ARID1B: variants seen among roughly 807,000 people sequenced by gnomAD.
The protein encoded by ARID1B is AT-rich interactive domain-containing protein 1B.
A neutral mutation model predicts 212.3 loss-of-function variants in ARID1B; 30 were observed. The ratio of observed to expected loss-of-function variants is 0.14; its 90% CI spans 0.11 to 0.19. The LOEUF (loss-of-function observed/expected upper bound fraction) is 0.19, where lower values mean the gene tolerates loss of function less well. Ranked by LOEUF, ARID1B falls within the 10% of genes least tolerant of loss-of-function variation. ARID1B has a pLI of 1.00. For missense variants in ARID1B, 2,891 were observed against 3,204.0 expected, an observed-to-expected ratio of 0.90 and a Z score of 2.36; for synonymous variants, 1,402 against 1,301.7, an observed-to-expected ratio of 1.08 and a Z score of -1.66.
At chr6:156,954,032 G>T (rs905841605) in intron 4 of ARID1B, among the ~76,000 whole-genome samples, 5 of 151,936 alleles carry the variant, frequency 3.3e-5, no homozygotes, top group African/African-American at 1.2e-4. Flanking sequence ...ATTAACACAG[G>T]CTTTCCTGTT....
intron 5 of ARID1B, among the ~76,000 whole-genome samples, chr6:157,104,199 C>G (rs186874921): frequency 1.3e-5 from 2 of 152,266 alleles, no homozygotes; most frequent in East Asian, 3.9e-4. Flanking sequence ...CTCTCTGTAA[C>G]AAAACTCAAC....
chr6:157,174,165 G>C (rs748620770), intron 10 of ARID1B, 48 bp downstream of exon 10: 2 of 1,552,284 alleles, frequency 1.3e-6, no homozygotes, highest in African/African-American at 1.4e-5. Context: ...CTAGCAAAAA[G>C]CTGCCATGTC....
At chr6:157,153,204 AT>A (rs994708954) in intron 8 of ARID1B, among the ~76,000 whole-genome samples, 2 of 152,014 alleles carry the variant, frequency 1.3e-5, no homozygotes, top group East Asian at 1.9e-4. Context: ...ACATAGATTA[AT>A]TTTTTTTCTT....
At chr6:157,150,993 G>A (rs1009730347) in intron 8 of ARID1B, 1 of 166,476 alleles carries the variant, frequency 6.0e-6, no homozygotes, top group South Asian at 2.0e-4. Flanking sequence ...CTCCAAGGGG[G>A]TTGTCCTTCT....
intron 2 of ARID1B, among the ~76,000 whole-genome samples, chr6:156,846,071 A>G (rs1230730977): frequency 2.6e-5 from 4 of 152,056 alleles, no homozygotes; most frequent in African/African-American, 9.7e-5. Context: ...TTCTTTTTGA[A>G]GGGCTCCTCT....
At chr6:156,897,416 G>C (rs1788569458) in intron 2 of ARID1B, among the ~76,000 whole-genome samples, 1 of 151,632 alleles carries the variant, frequency 6.6e-6, no homozygotes, top group Non-Finnish European at 1.5e-5. Context: ...TGGGATTGCA[G>C]GTGTGTGCCA....
intron 3 of ARID1B, among the ~76,000 whole-genome samples, chr6:156,921,379 T>C (rs929042256): frequency 6.6e-6 from 1 of 151,664 alleles, no homozygotes; most frequent in African/African-American, 2.4e-5. Context: ...TTTTCCCAAA[T>C]GGAAATTTGA....
intron 5 of ARID1B, among the ~76,000 whole-genome samples, chr6:157,098,751 C>T (rs1167691048): frequency 1.3e-5 from 2 of 152,084 alleles, no homozygotes; most frequent in Non-Finnish European, 2.9e-5. Context: ...AGTTTTTATT[C>T]ACCTCCCCAG....
intron 7 of ARID1B, among the ~76,000 whole-genome samples, chr6:157,135,907 A>G (rs1229008568): frequency 6.6e-6 from 1 of 152,308 alleles, no homozygotes. Context: ...CCAAGATGTC[A>G]TCAGTCTCCT....
intron 4 of ARID1B, chr6:157,071,388 GA>G (rs1438268634): frequency 6.6e-6 from 1 of 152,146 alleles, no homozygotes; most frequent in African/African-American, 2.4e-5. Context: ...ATAGTTTTAG[GA>G]TACTCTTTCC....
At chr6:157,075,687 C>T (rs1351211579) in intron 4 of ARID1B, among the ~76,000 whole-genome samples, 3 of 152,206 alleles carry the variant, frequency 2.0e-5, no homozygotes, top group Non-Finnish European at 4.4e-5. Flanking sequence ...ATGTTGACAT[C>T]GTCATGTTGA....
intron 4 of ARID1B, among the ~76,000 whole-genome samples, chr6:156,946,226 G>C (rs555702323): frequency 5.4e-5 from 8 of 148,040 alleles, no homozygotes; most frequent in Middle Eastern, 3.2e-3. Flanking sequence ...AAAAATGTTC[G>C]CCGGGCATGG....
At chr6:157,102,581 G>A (rs1454658607) in intron 5 of ARID1B, among the ~76,000 whole-genome samples, 1 of 145,242 alleles carries the variant, frequency 6.9e-6, no homozygotes, top group Non-Finnish European at 1.5e-5. Flanking sequence ...GGCTTTTTCA[G>A]CAAGTATTCC....
chr6:157,004,911 T>TTG (rs1583125394), intron 4 of ARID1B, among the ~76,000 whole-genome samples: 1 of 114,892 alleles, frequency 8.7e-6, no homozygotes, highest in African/African-American at 3.9e-5. Flanking sequence ...TTTTTTTTTT[T>TTG]TTTTTTTTTT....
intron 3 of ARID1B, among the ~76,000 whole-genome samples, chr6:156,918,088 G>A (rs912082204): frequency 6.6e-6 from 1 of 152,086 alleles, no homozygotes; most frequent in Non-Finnish European, 1.5e-5. Flanking sequence ...TCTTTCAAAG[G>A]AGCTTAACTT....
At chr6:157,080,841 C>T (rs781152637) in intron 4 of ARID1B, among the ~76,000 whole-genome samples, 1 of 152,098 alleles carries the variant, frequency 6.6e-6, no homozygotes, top group African/African-American at 2.4e-5. Context: ...AGTTTTAAAG[C>T]TAAACAGCTT....
At position 157,201,612 on chromosome 6, in the gene ARID1B, AG is replaced by A; in HGVS notation, c.5263+125del. 2 of 1,170,726 alleles carry A rather than the reference AG, an allele frequency of 1.7e-6. No individual in the cohort carries two copies. Among genetic ancestry groups the A allele is most frequent in the Non-Finnish European group, 2.3e-6 (2 of 866,694 alleles). 72.5% of individuals were successfully genotyped at this position (1,170,726 alleles called of 1,614,324 possible). A position where few individuals can be genotyped will look rare whatever the true frequency, so the allele number is the denominator to read the frequency against. On this transcript the variant is annotated intron_variant, in intron 18 of 19. Transcript: ENST00000636930. The surrounding 1 kb of genome is among the most constrained non-coding windows in gnomAD (Gnocchi z 5.2). ...AAAAAATTATGACTAGAAGTTATCA[AG>A]ATGCGTTTTTATATAGGAGTAATAT...
intron 3 of ARID1B, 108 bp from the exon 4 acceptor site, chr6:156,935,358 G>T: frequency 1.1e-6 from 1 of 909,808 alleles, no homozygotes; most frequent in East Asian, 2.5e-5. Flanking sequence ...GGGATTACAG[G>T]CATGAGCCAC....
chr6:156,929,347 G>A (rs999872733), intron 3 of ARID1B, among the ~76,000 whole-genome samples: 2 of 152,156 alleles, frequency 1.3e-5, no homozygotes, highest in Admixed American at 6.5e-5. Context: ...GAAAGTGGAG[G>A]GAGGTCAATA....
Sources: allele counts gnomAD v4.1 joint callset (sites outside exome capture counted in the v4.1 genomes callset), GRCh38; gene constraint gnomAD v4.1.1; non-coding constraint Gnocchi (gnomAD v3.1); transcripts MANE v1.5; gene names NCBI Gene and HGNC (gene_info 2026-07-23, HGNC 2026-07-21).